MST1R: variants seen among roughly 807,000 people sequenced by gnomAD.
MST1R encodes the protein macrophage stimulating 1 receptor.
A neutral mutation model predicts 117.8 loss-of-function variants in MST1R; 99 were observed. The observed-to-expected ratio is 0.84, with a 90% CI of 0.71 to 0.99. The LOEUF is 0.99. MST1R is among the 50% of genes least tolerant of loss of function. The pLI is 0.00. For synonymous variants in MST1R, 734 were observed against 765.3 expected (o/e 0.96, Z 0.68); for missense variants, 1,683 against 1,840.2 (o/e 0.91, Z 1.56).
chr3:49,896,073 C>A lies in MST1R; in HGVS notation c.2684G>T (p.Gly895Val), dbSNP rs1575437413. The change falls in exon 11 of 20, where the codon GGT (glycine) becomes GTT (valine). Residue 895 changes from glycine to valine, a missense_variant. Transcript: ENST00000296474. The part of the protein sequence containing the change: ...IGLGAVADCV[G>V]INVTVGGESC... ...CTCACCACCCACGGTCACGTTGATACCCACACAGTCAGCCACAGCGCCCAG... is the reference window on the plus strand; with the variant it reads ...CTCACCACCCACGGTCACGTTGATAACCACACAGTCAGCCACAGCGCCCAG... The A allele has an allele frequency of 1.2e-6, 2 of 1,611,470 alleles. No homozygotes were observed. The highest frequency in any genetic ancestry group is 1.1e-5 in the South Asian group (1 of 90,756).
chr3:49,891,836 G>A lies in MST1R; in HGVS notation c.3274C>T (p.His1092Tyr). Reference sequence around the variant, plus strand: ...TCTCCGTGGTAGACAACTCCAAAGTGGCCTGGTGTGAGGTGCATAATGAGT... The same window carrying A: ...TCTCCGTGGTAGACAACTCCAAAGTAGCCTGGTGTGAGGTGCATAATGAGT... ...THSDRVIGKG[H>Y]FGVVYHGEYI... is the part of the protein sequence containing the mutation. The change falls in exon 15 of 20, where the codon CAC becomes TAC. Residue 1092 changes from histidine (H) to tyrosine (Y), a missense_variant and splice_region_variant. Coordinates refer to ENST00000296474, the MANE Select transcript of MST1R (RefSeq NM_002447.4). The A allele has an allele frequency of 6.2e-7, 1 of 1,614,148 alleles. No individual in the cohort carries two copies. Among genetic ancestry groups the A allele is most frequent in the Non-Finnish European group, 8.5e-7 (1 of 1,180,012 alleles).
chr3:49,890,851 G>A (rs1482466770), intron 17 of MST1R, among the ~76,000 whole-genome samples: 2 of 152,054 alleles, frequency 1.3e-5, no homozygotes, highest in Non-Finnish European at 2.9e-5. Context: ...TCAGCCTCCT[G>A]AGTAGCTGGG....
Position 49,899,260 on chromosome 3 carries a change from C to A in MST1R, c.1234G>T (p.Gly412Cys), listed in dbSNP as rs765913747. 1.9e-6 allele frequency: 3 copies of A among 1,613,922 alleles called. No homozygotes were observed. The highest frequency in any genetic ancestry group is 1.7e-6 in the Non-Finnish European group (2 of 1,179,882). ...GTGTTGGGGCTGAGGGCTTCCAGGC[C>A]AGGCTGGGAAAGGTCAGGGAAGGGA... Reference protein sequence around the residue: ...QSPSFCPNPPGLEALSPNTSC... With the variant: ...QSPSFCPNPPCLEALSPNTSC... Residue 412 changes from glycine (G) to cysteine (C), a missense_variant, in exon 2 of 20, where the codon GGC becomes TGC. Physicochemically the swap from Gly to Cys is radical, Grantham distance 159. Transcript: ENST00000296474.
chr3:49,890,357 G>T, intron 18 of MST1R, 128 bp downstream of exon 18: 1 of 1,037,300 alleles, frequency 9.6e-7, no homozygotes, highest in Non-Finnish European at 1.4e-6. Context: ...CAAGAGGTGA[G>T]CAGATGGGCT....
In MST1R at chr3:49,897,572, C is replaced by T. The variant is rs2082523086; in HGVS notation, c.1994G>A (p.Gly665Asp). 2 of 1,614,000 alleles carry T rather than the reference C, an allele frequency of 1.2e-6. No individual in the cohort carries two copies. The highest frequency in any genetic ancestry group is 2.2e-5 in the East Asian group (1 of 44,900). ...VSLTVTNMPP[G>D]KHFRVDGTSV... ...GGTGCCGTCTACCCGGAAGTGCTTG[C>T]CCGGTGGCATGTTAGTCACGGTGAG... The change falls in exon 6 of 20, where the codon GGC becomes GAC. Residue 665 changes from glycine (G) to aspartate (D), a missense_variant. Physicochemically the swap from Gly to Asp is moderately conservative, Grantham distance 94. Coordinates refer to ENST00000296474, the MANE Select transcript of MST1R (RefSeq NM_002447.4).
chr3:49,890,693 C>G, intron 17 of MST1R, 43 bp from the exon 18 acceptor site: 2 of 1,568,908 alleles, frequency 1.3e-6, no homozygotes, highest in Non-Finnish European at 1.7e-6. Flanking sequence ...TGGCCCTTAC[C>G]AGGCCCTGAA....
chr3:49,899,165 C>T lies in MST1R; in HGVS notation c.1329G>A (p.Leu443=), dbSNP rs753856437. The stretch of plus-strand genomic sequence containing the variant: ...ACAATGCAGTGACCTGTACTGGTCC[C>T]AACAGCCCATTGAATAGGTCCACAC... ...FSRVDLFNGL[L]GPVQVTALYV... Residue 443 remains leucine (L), a synonymous_variant, in exon 2 of 20, where the codon TTG becomes TTA. Transcript: ENST00000296474. 1.9e-5 allele frequency: 30 copies of T among 1,614,058 alleles called. No individual in the cohort carries two copies. Among genetic ancestry groups the T allele is most frequent in the Admixed American group, 3.3e-5 (2 of 60,014 alleles).
chr3:49,889,653 G>A (rs575897748), intron 19 of MST1R, among the ~76,000 whole-genome samples: 1 of 152,158 alleles, frequency 6.6e-6, no homozygotes, highest in Non-Finnish European at 1.5e-5. Context: ...TGGGAGTCGG[G>A]TAGGAGGAGC....
Position 49,895,990 on chromosome 3 carries a change from G to A in MST1R, c.2767C>T (p.Gln923Ter), listed in dbSNP as rs2108440173. 1 of 1,584,750 alleles carries A rather than the reference G, an allele frequency of 6.3e-7. No homozygotes were observed. The highest frequency in any genetic ancestry group is 1.2e-5 in the South Asian group (1 of 85,166). ...AATGGGGCACCATCCTGGCCAAGCTGCAGGGATGGGGGCAGGGGGCAGACA... is the reference window on the plus strand; with the variant it reads ...AATGGGGCACCATCCTGGCCAAGCTACAGGGATGGGGGCAGGGGGCAGACA... ...MVVCPLPPSLQLGQDGAPLQV... is the reference protein window; with the variant it reads ...MVVCPLPPSL Residue 923 changes from glutamine to a stop codon, truncating the protein, a stop_gained, in exon 11 of 20, where the codon CAG becomes TAG. Coordinates refer to ENST00000296474, the MANE Select transcript of MST1R (RefSeq NM_002447.4). LOFTEE classifies it high-confidence loss of function.
chr3:49,897,671 T>C lies in MST1R; in HGVS notation c.1895A>G (p.Lys632Arg). Residue 632 changes from lysine (K) to arginine (R), a missense_variant, in exon 6 of 20, where the codon AAA becomes AGA. Transcript: ENST00000296474. ...ACACTCAAACTCCTCTACAAAGTCT[T>C]TCCGGGGCACTGGTCTGGGGCACCA... Reference protein sequence around the residue: ...DSSKLRPVPRKDFVEEFECEL... With the variant: ...DSSKLRPVPRRDFVEEFECEL... 1 of 1,612,954 alleles carries C rather than the reference T, an allele frequency of 6.2e-7. No individual in the cohort carries two copies. Among genetic ancestry groups the C allele is most frequent in the African/African-American group, 1.3e-5 (1 of 75,054 alleles).
At position 49,899,227 on chromosome 3, in the gene MST1R, G is replaced by C; in HGVS notation, c.1267C>G (p.Arg423Gly). 1 of 1,614,154 alleles carries C rather than the reference G, an allele frequency of 6.2e-7. No homozygotes were observed. The highest frequency in any genetic ancestry group is 1.1e-5 in the South Asian group (1 of 91,080). ...LEALSPNTSC[R>G]HFPLLVSSSF... ...CTACTGACCAGCAGAGGGAAGTGGC[G>C]GCAGCTGGTGTTGGGGCTGAGGGCT... Residue 423 changes from arginine (R) to glycine (G), a missense_variant, in exon 2 of 20, where the codon CGC (arginine) becomes GGC (glycine). Transcript: ENST00000296474.
rs1236526255 is a variant in MST1R, at chr3:49,903,048, C to T, written c.562G>A (p.Val188Met). ...VASPLGTRVT[V>M]VEQGQASYFY... ...TAGGAGGCCTGGCCTTGCTCAACCA[C>T]AGTTACACGGGTGCCCAATGGGCTG... Residue 188 changes from valine to methionine, a missense_variant, in exon 1 of 20, where the codon GTG becomes ATG. Coordinates refer to ENST00000296474, the MANE Select transcript of MST1R (RefSeq NM_002447.4). The T allele has an allele frequency of 6.2e-7, 1 of 1,611,380 alleles. No homozygotes were observed. Among genetic ancestry groups the T allele is most frequent in the South Asian group, 1.1e-5 (1 of 91,090 alleles).
At chr3:49,897,913 ACT>A in intron 5 of MST1R, 136 bp downstream of exon 5, 1 of 1,279,200 alleles carries the variant, frequency 7.8e-7, no homozygotes, top group South Asian at 1.4e-5. Flanking sequence ...GACCTTTTTG[ACT>A]CTCAAAAAGC....
chr3:49,903,075 CCA>C lies in MST1R; in HGVS notation c.533_534del (p.Val178GlyfsTer12). The C allele has an allele frequency of 6.2e-7, 1 of 1,608,802 alleles. No homozygotes were observed. Among genetic ancestry groups the C allele is most frequent in the Non-Finnish European group, 8.5e-7 (1 of 1,180,014 alleles). Reference protein sequence around the residue: ...HNRPDDCPDCVASPLGTRVTV... With the variant: ...HNRPDDCPDCXASPLGTRVTV... Reference sequence around the variant, plus strand: ...GTTACACGGGTGCCCAATGGGCTGGCCACACAGTCGGGGCAGTCATCGGGCCG... The same window carrying C: ...GTTACACGGGTGCCCAATGGGCTGGCCACAGTCGGGGCAGTCATCGGGCCG... On this transcript the variant is annotated frameshift_variant, in exon 1 of 20. Coordinates refer to ENST00000296474, the MANE Select transcript of MST1R (RefSeq NM_002447.4). LOFTEE classifies it high-confidence loss of function.
Position 49,891,175 on chromosome 3 carries a change from C to T in MST1R, c.3644+22G>A, listed in dbSNP as rs745318459. The stretch of plus-strand genomic sequence containing the variant: ...CTCATGCCCTGTCCTTTTGCTTCAC[C>T]CCAGCTACTCTGGACTCTCACATGC... On this transcript the variant is annotated intron_variant, in intron 17 of 19. Transcript: ENST00000296474. 6 of 1,609,450 alleles carry T rather than the reference C, an allele frequency of 3.7e-6. No individual in the cohort carries two copies. The African/African-American group carries it at 6.7e-5, about 18-fold the overall frequency.
chr3:49,887,908 G>C (rs2082210200), intron 19 of MST1R, among the ~76,000 whole-genome samples: 1 of 152,244 alleles, frequency 6.6e-6, no homozygotes, highest in Admixed American at 6.5e-5. Flanking sequence ...TGCCTGTGAA[G>C]TGCTAGGCAC....
rs1442293852 is a variant in MST1R at position 49,895,228 on chromosome 3, G to T, written c.3210C>A (p.Val1070=). 11 of 1,614,172 alleles carry T rather than the reference G, an allele frequency of 6.8e-6. No homozygotes were observed. Among genetic ancestry groups the T allele is most frequent in the Non-Finnish European group, 9.3e-6 (11 of 1,180,046 alleles). ...GCTCATGGGGAATCAGCACATCCTT[G>T]ACCTCAGCCAAGAGCGCAGAGTCCA... ...RDLDSALLAE[V]KDVLIPHERV... The change falls in exon 14 of 20, where the codon GTC becomes GTA. Residue 1070 remains valine (V), a synonymous_variant. Transcript: ENST00000296474.
At chr3:49,891,966 T>C in intron 14 of MST1R, 128 bp from the exon 15 acceptor site, 1 of 657,480 alleles carries the variant, frequency 1.5e-6, no homozygotes, top group South Asian at 2.2e-5. Flanking sequence ...TTATTTTTAA[T>C]TTTTATTTAT....
At chr3:49,899,808 G>C (rs953917168) in intron 1 of MST1R, among the ~76,000 whole-genome samples, 1 of 151,872 alleles carries the variant, frequency 6.6e-6, no homozygotes, top group South Asian at 2.1e-4. Flanking sequence ...TCCTGACCTT[G>C]TGATTAGTCC....
Sources: allele counts gnomAD v4.1 joint callset (sites outside exome capture counted in the v4.1 genomes callset), GRCh38; gene constraint gnomAD v4.1.1; transcripts MANE v1.5; gene names NCBI Gene and HGNC (gene_info 2026-07-23, HGNC 2026-07-21).